Variants in REV1 observed in about 807,000 individuals in gnomAD.
The protein encoded by REV1 is translesion synthesis protein REV1.
REV1 carries 42 observed loss-of-function variants against 137.4 expected under a neutral mutation model. The observed-to-expected ratio is 0.31, with a 90% CI of 0.24 to 0.40. The LOEUF is 0.40. Ranked by LOEUF, REV1 falls within the 10% of genes least tolerant of loss-of-function variation. The pLI is 1.00. For missense variants in REV1, 1,282 were observed against 1,490.1 expected (o/e 0.86, Z 2.30); for synonymous variants, 524 against 519.2 (o/e 1.01, Z -0.12).
intron 12 of REV1, among the ~76,000 whole-genome samples, chr2:99,418,231 TA>T (rs1187090216): frequency 6.6e-6 from 1 of 152,210 alleles, no homozygotes; most frequent in Admixed American, 6.5e-5. Context: ...CACTTTATAA[TA>T]AATAGGTAAC....
intron 1 of REV1, among the ~76,000 whole-genome samples, chr2:99,469,901 C>A (rs1439330022): frequency 6.6e-6 from 1 of 151,922 alleles, no homozygotes; most frequent in Non-Finnish European, 1.5e-5. Context: ...GCGGGCAGAT[C>A]ACGAGGTCAG....
intron 1 of REV1, among the ~76,000 whole-genome samples, chr2:99,469,785 T>C (rs1199228579): frequency 6.6e-6 from 1 of 152,234 alleles, no homozygotes; most frequent in Non-Finnish European, 1.5e-5. Context: ...TTCTTTTTAC[T>C]ATAGTTATTG....
chr2:99,444,578 A>G (rs1442963407), intron 4 of REV1, among the ~76,000 whole-genome samples: 1 of 152,252 alleles, frequency 6.6e-6, no homozygotes, highest in African/African-American at 2.4e-5. Context: ...TAGACAGCCA[A>G]TTTAAATACT....
chr2:99,405,019 C>T (rs550379143), intron 17 of REV1, among the ~76,000 whole-genome samples: 48 of 152,320 alleles, frequency 3.2e-4, no homozygotes, highest in African/African-American at 1.1e-3. Context: ...TTAGATCCCA[C>T]CCCAGGGAGG....
Position 99,402,985 on chromosome 2 carries a change from G to A in REV1, c.3288C>T (p.Asn1096=). 1 of 1,614,216 alleles carries A rather than the reference G, an allele frequency of 6.2e-7. No homozygotes were observed. Among genetic ancestry groups the A allele is most frequent in the Non-Finnish European group, 8.5e-7 (1 of 1,180,014 alleles). The part of the protein sequence containing the change: ...IQSPLNNKLL[N]SPAKTLPGAC... ...CCCCTGGCAGAGTTTTTGCAGGACT[G>A]TTAAGCAGCTTGTTATTCAAAGGAC... is the stretch of plus-strand genomic sequence containing the variant. Residue 1096 remains asparagine, a synonymous_variant, in exon 20 of 23, where the codon AAC becomes AAT. Coordinates refer to ENST00000258428, the MANE Select transcript of REV1 (RefSeq NM_016316.4).
chr2:99,447,433 G>T (rs1575132122), intron 4 of REV1, among the ~76,000 whole-genome samples: 1 of 152,178 alleles, frequency 6.6e-6, no homozygotes, highest in Non-Finnish European at 1.5e-5. Flanking sequence ...GCCTCCCAAA[G>T]TGCTGGGATT....
intron 1 of REV1, among the ~76,000 whole-genome samples, chr2:99,468,300 G>A (rs904141770): frequency 2.6e-5 from 4 of 152,182 alleles, no homozygotes; most frequent in African/African-American, 9.7e-5. Context: ...CCAGGGAAAA[G>A]TTCTCCACAC....
chr2:99,471,870 C>G (rs13405400), intron 1 of REV1, among the ~76,000 whole-genome samples: 22,096 of 147,554 alleles, frequency 0.15, 2,033 homozygotes, highest in African/African-American at 0.23. Flanking sequence ...CACCTCACAC[C>G]CAGCAGGATA....
At chr2:99,462,033 C>T (rs574682630) in intron 3 of REV1, among the ~76,000 whole-genome samples, 3 of 152,266 alleles carry the variant, frequency 2.0e-5, no homozygotes, top group Admixed American at 6.5e-5. Context: ...AATTCAGGTC[C>T]TTTCCTTCCC....
chr2:99,469,378 T>A (rs1303271507), intron 1 of REV1, among the ~76,000 whole-genome samples: 1 of 152,196 alleles, frequency 6.6e-6, no homozygotes, highest in Admixed American at 6.5e-5. Flanking sequence ...CAGTCACATG[T>A]GGAAATCTCC....
intron 8 of REV1, among the ~76,000 whole-genome samples, chr2:99,433,880 T>A (rs1680414096): frequency 6.6e-6 from 1 of 152,178 alleles, no homozygotes; most frequent in Non-Finnish European, 1.5e-5. Flanking sequence ...ACAAGGTTAT[T>A]TCTCATAACA....
intron 8 of REV1, chr2:99,431,936 C>G: frequency 1.4e-5 from 14 of 977,248 alleles, no homozygotes; most frequent in Non-Finnish European, 1.7e-5. Context: ...GGCCAGGACC[C>G]AAGTCTGTGA....
In REV1 at chr2:99,438,834, G is replaced by A; in HGVS notation, c.980C>T (p.Ser327Phe). ...VQGPSSTKST[S>F]SVSTFSKAAP... The stretch of plus-strand genomic sequence containing the variant: ...TGCCTTGCTAAACGTAGATACTGAA[G>A]AAGTGCTTTTTGTGCTTGAAGGCCC... The change falls in exon 6 of 23, where the codon TCT (serine) becomes TTT (phenylalanine). Residue 327 changes from serine (S) to phenylalanine (F), a missense_variant. Transcript: ENST00000258428. 2 of 1,614,176 alleles carry A rather than the reference G, an allele frequency of 1.2e-6. No individual in the cohort carries two copies. The highest frequency in any genetic ancestry group is 1.7e-6 in the Non-Finnish European group (2 of 1,180,022).
chr2:99,401,069 T>C lies in REV1; in HGVS notation c.*172A>G. The C allele has an allele frequency of 2.2e-6, 1 of 457,286 alleles. No individual in the cohort carries two copies. The highest frequency in any genetic ancestry group is 3.5e-5 in the Admixed American group (1 of 28,974). 28.3% of individuals were successfully genotyped at this position (457,286 alleles called of 1,614,324 possible). On this transcript the variant is annotated 3_prime_UTR_variant, in exon 23 of 23. Coordinates refer to ENST00000258428, the MANE Select transcript of REV1 (RefSeq NM_016316.4). Reference sequence around the variant, plus strand: ...CAGTAAAATAATTAACACAATTATTTACATGCAATACTGACAAATTTGGCA... The same window carrying C: ...CAGTAAAATAATTAACACAATTATTCACATGCAATACTGACAAATTTGGCA...
At chr2:99,448,510 T>TA (rs1456014086) in intron 4 of REV1, among the ~76,000 whole-genome samples, 1 of 152,090 alleles carries the variant, frequency 6.6e-6, no homozygotes, top group East Asian at 1.9e-4. Context: ...ATATAATCAT[T>TA]AAAAAACAGT....
At chr2:99,480,655 T>C (rs997160752) in intron 1 of REV1, among the ~76,000 whole-genome samples, 3 of 152,128 alleles carry the variant, frequency 2.0e-5, no homozygotes, top group South Asian at 2.1e-4. Flanking sequence ...TAAAAACAAA[T>C]CCCTCAGAGC....
At chr2:99,464,784 C>A in intron 2 of REV1, 138 bp downstream of exon 2, 1 of 782,310 alleles carries the variant, frequency 1.3e-6, no homozygotes. Context: ...ATAAGGCTTT[C>A]AATACACTGT....
chr2:99,401,282 C>A lies in REV1; in HGVS notation c.3715G>T (p.Val1239Phe). The A allele has an allele frequency of 6.2e-7, 1 of 1,613,564 alleles. No homozygotes were observed. The highest frequency in any genetic ancestry group is 1.1e-5 in the South Asian group (1 of 91,038). The stretch of plus-strand genomic sequence containing the variant: ...GTGCTTCCATAAGTTTGTTGTAAAA[C>A]CACCTGGACATTGTCAAGAATAAAG... Reference protein sequence around the residue: ...FDFILDNVQVVLQQTYGSTLK... With the variant: ...FDFILDNVQVFLQQTYGSTLK... The change falls in exon 23 of 23, where the codon GTT becomes TTT. Residue 1239 changes from valine to phenylalanine, a missense_variant. Physicochemically the swap from Val to Phe is conservative, Grantham distance 50. Transcript: ENST00000258428.
intron 2 of REV1, among the ~76,000 whole-genome samples, chr2:99,463,707 C>T (rs766627431): frequency 1.1e-4 from 16 of 152,112 alleles, no homozygotes; most frequent in Non-Finnish European, 1.9e-4. Context: ...TCACTGCAAA[C>T]TCCGCCTCCC....
Sources: gnomAD v4.1 joint callset for allele counts (sites outside exome capture counted in the v4.1 genomes callset) on GRCh38, gnomAD v4.1.1 for gene constraint, MANE v1.5 for transcripts, NCBI Gene and HGNC (gene_info 2026-07-23, HGNC 2026-07-21) for gene names.